Variants in CNTN3 observed in about 807,000 individuals in gnomAD.
The protein encoded by CNTN3 is contactin-3.
CNTN3 carries 60 observed loss-of-function variants against 119.1 expected under a neutral mutation model. The observed-to-expected ratio is 0.50, with a 90% CI of 0.41 to 0.62. The LOEUF (loss-of-function observed/expected upper bound fraction) is 0.62, where lower values mean the gene tolerates loss of function less well. CNTN3 is among the 20% of genes least tolerant of loss of function. The pLI is 0.00. For missense variants in CNTN3, 1,101 were observed against 1,242.4 expected, an observed-to-expected ratio of 0.89 and a Z score of 1.71; for synonymous variants, 450 against 438.7, an observed-to-expected ratio of 1.03 and a Z score of -0.32.
intron 19 of CNTN3, among the ~76,000 whole-genome samples, chr3:74,292,893 T>A (rs630884): frequency 0.072 from 11,001 of 152,312 alleles, 473 homozygotes; most frequent in East Asian, 0.15. Flanking sequence ...TGGCTCCCCA[T>A]CATCTTTCAT....
chr3:74,609,092 C>A (rs898578617), intron 1 of CNTN3, among the ~76,000 whole-genome samples: 1 of 152,112 alleles, frequency 6.6e-6, no homozygotes, highest in Non-Finnish European at 1.5e-5. Flanking sequence ...ATGGGTGTTC[C>A]AAGCACATGC....
chr3:74,294,269 G>A (rs893042509), intron 19 of CNTN3, among the ~76,000 whole-genome samples: 1 of 152,216 alleles, frequency 6.6e-6, no homozygotes, highest in South Asian at 2.1e-4. Flanking sequence ...TATCTTGCCA[G>A]TTCTCAGCTC....
At chr3:74,442,072 T>C (rs535125768) in intron 4 of CNTN3, among the ~76,000 whole-genome samples, 3 of 151,582 alleles carry the variant, frequency 2.0e-5, no homozygotes, top group Admixed American at 6.6e-5. Context: ...TTCTGAAACC[T>C]CCCCTTGATA....
intron 11 of CNTN3, among the ~76,000 whole-genome samples, chr3:74,356,641 T>C (rs1362265195): frequency 6.6e-6 from 1 of 152,120 alleles, no homozygotes; most frequent in Non-Finnish European, 1.5e-5. Flanking sequence ...TATTTTCAAG[T>C]GTGAACTTAA....
intron 21 of CNTN3, 76 bp from the exon 22 acceptor site, chr3:74,266,725 A>T (rs889567352): frequency 1.5e-6 from 2 of 1,341,116 alleles, no homozygotes; most frequent in Non-Finnish European, 2.1e-6. Context: ...GTCTCTCTGA[A>T]ATTAACTAAT....
intron 4 of CNTN3, among the ~76,000 whole-genome samples, chr3:74,428,278 A>C (rs1575715723): frequency 6.6e-6 from 1 of 151,968 alleles, no homozygotes; most frequent in East Asian, 1.9e-4. Flanking sequence ...GAAAAAAAAA[A>C]GGTTAACCAT....
Position 74,301,709 on chromosome 3 carries a change from A to C in CNTN3, c.1883T>G (p.Val628Gly). ...CCGAGCCTGGATAGAATAGGATATA[A>C]CTGGGCTATGGTTGTCTTTACCTTC... ...WKEGKDNHSP[V>G]ISYSIQARTP... Residue 628 changes from valine (V) to glycine (G), a missense_variant, in exon 15 of 23, where the codon GTT becomes GGT. Val to Gly is a moderately radical substitution (Grantham distance 109, BLOSUM62 -3). Transcript: ENST00000263665. The C allele has an allele frequency of 6.2e-7, 1 of 1,614,100 alleles. No homozygotes were observed. The highest frequency in any genetic ancestry group is 1.1e-5 in the South Asian group (1 of 91,080).
At chr3:74,519,375 G>A (rs953271422) in intron 2 of CNTN3, among the ~76,000 whole-genome samples, 11 of 151,648 alleles carry the variant, frequency 7.3e-5, no homozygotes, top group Non-Finnish European at 1.3e-4. Context: ...ATATTTGTTC[G>A]TAAATATGTA....
At chr3:74,275,000 T>C (rs1701852285) in intron 20 of CNTN3, among the ~76,000 whole-genome samples, 1 of 151,890 alleles carries the variant, frequency 6.6e-6, no homozygotes. Context: ...TATATAGAAA[T>C]GCAAAATGCT....
At chr3:74,286,435 T>C (rs6809920) in intron 19 of CNTN3, among the ~76,000 whole-genome samples, 66,425 of 151,878 alleles carry the variant, frequency 0.44, 14,780 homozygotes, top group South Asian at 0.6. Flanking sequence ...ATGCAGGGCT[T>C]ATAGACCTAA....
intron 1 of CNTN3, among the ~76,000 whole-genome samples, chr3:74,583,086 G>A (rs984556918): frequency 9.9e-5 from 15 of 152,152 alleles, no homozygotes; most frequent in South Asian, 4.2e-4. Context: ...GGGCTATTTC[G>A]AGTAATTCTA....
At chr3:74,608,335 C>G (rs1705026556) in intron 1 of CNTN3, among the ~76,000 whole-genome samples, 1 of 152,074 alleles carries the variant, frequency 6.6e-6, no homozygotes, top group African/African-American at 2.4e-5. Context: ...AAAATTTCCC[C>G]CATTTATAAG....
chr3:74,594,559 T>C (rs1000950183), intron 1 of CNTN3, among the ~76,000 whole-genome samples: 1 of 152,054 alleles, frequency 6.6e-6, no homozygotes, highest in African/African-American at 2.4e-5. Flanking sequence ...TTTTTTGTCC[T>C]TGTGATAGTT....
intron 1 of CNTN3, among the ~76,000 whole-genome samples, chr3:74,534,249 T>C (rs9830022): frequency 0.99 from 150,586 of 152,098 alleles, 74,554 homozygotes; most frequent in Middle Eastern, 1. Context: ...CAGAATAGCA[T>C]GAGCCCCTTA....
At chr3:74,574,275 G>A (rs1704379261) in intron 1 of CNTN3, among the ~76,000 whole-genome samples, 1 of 152,132 alleles carries the variant, frequency 6.6e-6, no homozygotes, top group Non-Finnish European at 1.5e-5. Context: ...TTAGTACTTA[G>A]AAGAAGGCAG....
intron 11 of CNTN3, among the ~76,000 whole-genome samples, chr3:74,349,946 T>C (rs1703776271): frequency 6.6e-6 from 1 of 152,192 alleles, no homozygotes; most frequent in Non-Finnish European, 1.5e-5. Context: ...CCCCAGCACA[T>C]TCAGATTCAT....
intron 20 of CNTN3, among the ~76,000 whole-genome samples, chr3:74,278,230 A>G (rs1245033059): frequency 6.6e-6 from 1 of 152,098 alleles, no homozygotes; most frequent in African/African-American, 2.4e-5. Flanking sequence ...CCATCAAAAT[A>G]CCACCATATT....
chr3:74,584,807 C>T (rs1360647038), intron 1 of CNTN3, among the ~76,000 whole-genome samples: 1 of 152,076 alleles, frequency 6.6e-6, no homozygotes, highest in Non-Finnish European at 1.5e-5. Flanking sequence ...GTTGAGAAAA[C>T]TGGGGCTTAT....
intron 1 of CNTN3, among the ~76,000 whole-genome samples, chr3:74,602,918 T>C (rs1704934764): frequency 6.6e-6 from 1 of 152,164 alleles, no homozygotes; most frequent in Non-Finnish European, 1.5e-5. Context: ...AGGGTCATTC[T>C]TAACTTGGGC....
Sources: allele counts gnomAD v4.1 joint callset (sites outside exome capture counted in the v4.1 genomes callset), GRCh38; gene constraint gnomAD v4.1.1; transcripts MANE v1.5; gene names NCBI Gene and HGNC (gene_info 2026-07-23, HGNC 2026-07-21).